ADAMTS17: variants seen among roughly 807,000 people sequenced by gnomAD.
The protein encoded by ADAMTS17 is A disintegrin and metalloproteinase with thrombospondin motifs 17.
A neutral mutation model predicts 141.5 loss-of-function variants in ADAMTS17; 113 were observed. That is an observed-to-expected ratio of 0.80 (90% confidence interval 0.69 to 0.93). The LOEUF (loss-of-function observed/expected upper bound fraction) is 0.93, where lower values mean the gene tolerates loss of function less well. Among genes scored for constraint, ADAMTS17 ranks in the 40% least tolerant of loss-of-function variants. ADAMTS17 has a pLI of 0.00. For missense variants in ADAMTS17, 1,659 were observed against 1,517.9 expected (o/e 1.09, Z -1.54); for synonymous variants, 768 against 630.6 (o/e 1.22, Z -3.27).
At chr15:100,195,948 T>A (rs567682816) in intron 8 of ADAMTS17, among the ~76,000 whole-genome samples, 1 of 152,228 alleles carries the variant, frequency 6.6e-6, no homozygotes, top group Non-Finnish European at 1.5e-5. Flanking sequence ...ACTAGTTTCC[T>A]AACCTGTAAA....
chr15:100,182,640 T>C (rs2040565640), intron 8 of ADAMTS17, among the ~76,000 whole-genome samples: 1 of 152,220 alleles, frequency 6.6e-6, no homozygotes. Context: ...CTGTGAGTGC[T>C]CACTTGATTT....
At chr15:100,261,047 T>C (rs187962649) in intron 6 of ADAMTS17, among the ~76,000 whole-genome samples, 1 of 152,140 alleles carries the variant, frequency 6.6e-6, no homozygotes, top group East Asian at 1.9e-4. Context: ...CATACAACAG[T>C]TGTATCCCCC....
chr15:100,136,330 C>T (rs1308128643), intron 10 of ADAMTS17, among the ~76,000 whole-genome samples: 7 of 152,138 alleles, frequency 4.6e-5, no homozygotes, highest in East Asian at 1.9e-4. Context: ...AAAAAGAAAA[C>T]GGGAATGACA....
At chr15:100,068,099 G>A (rs1228091102) in intron 15 of ADAMTS17, among the ~76,000 whole-genome samples, 4 of 152,174 alleles carry the variant, frequency 2.6e-5, no homozygotes, top group Non-Finnish European at 5.9e-5. Context: ...CACGCCAGGA[G>A]ATTATATCCT....
At chr15:100,006,903 C>G (rs762910022) in intron 18 of ADAMTS17, among the ~76,000 whole-genome samples, 2 of 152,214 alleles carry the variant, frequency 1.3e-5, no homozygotes, top group African/African-American at 2.4e-5. Flanking sequence ...CGCCCAAGCT[C>G]CAGAAAATGC....
At chr15:100,055,562 T>C (rs2032496853) in intron 15 of ADAMTS17, among the ~76,000 whole-genome samples, 1 of 152,062 alleles carries the variant, frequency 6.6e-6, no homozygotes. Context: ...TGGGGTCTCG[T>C]ATCCAGGGTG....
chr15:100,087,104 AAAG>A (rs1249724841), intron 15 of ADAMTS17, among the ~76,000 whole-genome samples: 2 of 152,242 alleles, frequency 1.3e-5, no homozygotes, highest in African/African-American at 4.8e-5. Context: ...CAAGACTAAT[AAAG>A]AAGAAAACAG....
intron 10 of ADAMTS17, among the ~76,000 whole-genome samples, chr15:100,146,459 G>C (rs1037457913): frequency 6.6e-6 from 1 of 152,206 alleles, no homozygotes; most frequent in African/African-American, 2.4e-5. Flanking sequence ...CTATGCCTGT[G>C]TTTACTTTAA....
At position 99,993,964 on chromosome 15, in the gene ADAMTS17, G is replaced by A. The variant is rs2060743277; in HGVS notation, c.2797-764C>T. Among the ~76,000 whole-genome samples, 1 of 152,142 alleles carries A rather than the reference G, an allele frequency of 6.6e-6. No homozygotes were observed. The highest frequency in any genetic ancestry group is 2.1e-4 in the South Asian group (1 of 4,820). ...CAGCAAGAAGGAGCGAAGAGGCAGGGGGCATGACAGGGTGTCAACACAGCA... is the reference window on the plus strand; with the variant it reads ...CAGCAAGAAGGAGCGAAGAGGCAGGAGGCATGACAGGGTGTCAACACAGCA... On this transcript the variant is annotated intron_variant, in intron 19 of 21. Coordinates refer to ENST00000268070, the MANE Select transcript of ADAMTS17 (RefSeq NM_139057.4). This position sits in a 1 kb window ranked among gnomAD's most constrained non-coding sequence, Gnocchi z 4.3.
At chr15:100,125,304 T>C (rs2037672964) in intron 12 of ADAMTS17, among the ~76,000 whole-genome samples, 1 of 152,232 alleles carries the variant, frequency 6.6e-6, no homozygotes, top group Non-Finnish European at 1.5e-5. Context: ...CAGTGTAGAA[T>C]ACTTAAATTT....
At chr15:100,237,565 C>T (rs886325402) in intron 7 of ADAMTS17, among the ~76,000 whole-genome samples, 6 of 152,196 alleles carry the variant, frequency 3.9e-5, no homozygotes, top group Admixed American at 2.6e-4. Flanking sequence ...ACAGCAGTCC[C>T]GTGGGGAAGA....
intron 18 of ADAMTS17, among the ~76,000 whole-genome samples, chr15:100,047,538 C>G (rs558424450): frequency 1.3e-5 from 2 of 151,880 alleles, no homozygotes; most frequent in African/African-American, 4.8e-5. Context: ...AGCCAGCCGA[C>G]GCTTAGGGAA....
At chr15:100,105,888 C>T (rs528705898) in intron 14 of ADAMTS17, among the ~76,000 whole-genome samples, 3 of 152,180 alleles carry the variant, frequency 2.0e-5, no homozygotes, top group Middle Eastern at 3.4e-3. Flanking sequence ...TGGAGTTTCA[C>T]CATGTTAGCT....
At chr15:100,158,554 A>G (rs1445964123) in intron 8 of ADAMTS17, among the ~76,000 whole-genome samples, 1 of 152,076 alleles carries the variant, frequency 6.6e-6, no homozygotes, top group African/African-American at 2.4e-5. Context: ...CCTGAGCTCC[A>G]CTGAAACTCG....
intron 8 of ADAMTS17, among the ~76,000 whole-genome samples, chr15:100,188,410 G>A (rs973408633): frequency 6.6e-6 from 1 of 151,132 alleles, no homozygotes; most frequent in African/African-American, 2.4e-5. Context: ...AAAAAAACAA[G>A]AACACACACA....
chr15:99,999,783 C>A (rs536295102), intron 18 of ADAMTS17, among the ~76,000 whole-genome samples: 1 of 152,112 alleles, frequency 6.6e-6, no homozygotes, highest in Non-Finnish European at 1.5e-5. Context: ...CCAGTGACGA[C>A]GGCACTGGTC....
chr15:100,112,107 T>C (rs1285569674), intron 13 of ADAMTS17, among the ~76,000 whole-genome samples: 2 of 152,212 alleles, frequency 1.3e-5, no homozygotes, highest in African/African-American at 2.4e-5. Flanking sequence ...TTGAGGCAAG[T>C]TAGAAAGGCC....
intron 18 of ADAMTS17, among the ~76,000 whole-genome samples, chr15:100,026,105 C>A (rs997610025): frequency 3.9e-5 from 6 of 152,182 alleles, no homozygotes; most frequent in African/African-American, 1.4e-4. Context: ...TGACTCCTAC[C>A]ATCACAGGTT....
At chr15:99,998,863 G>T (rs983368308) in intron 18 of ADAMTS17, among the ~76,000 whole-genome samples, 8 of 152,076 alleles carry the variant, frequency 5.3e-5, no homozygotes, top group Admixed American at 5.2e-4. Flanking sequence ...CCAAGAGTTC[G>T]CCACCTGACA....
Sources: allele counts gnomAD v4.1 joint callset (sites outside exome capture counted in the v4.1 genomes callset), GRCh38; gene constraint gnomAD v4.1.1; non-coding constraint Gnocchi (gnomAD v3.1); transcripts MANE v1.5; gene names NCBI Gene and HGNC (gene_info 2026-07-23, HGNC 2026-07-21).